Variants in EVL observed in about 807,000 individuals in gnomAD.
EVL encodes Enah/Vasp-like.
In EVL, 21 loss-of-function variants were observed where a neutral mutation model predicts 59.6. That is an observed-to-expected ratio of 0.35 (90% CI 0.25 to 0.51). EVL has a LOEUF of 0.51. EVL is among the 20% of genes least tolerant of loss of function. EVL has a pLI of 0.97. For missense variants in EVL, 462 were observed against 546.6 expected, an observed-to-expected ratio of 0.85 and a Z score of 1.54; for synonymous variants, 198 against 203.5, an observed-to-expected ratio of 0.97 and a Z score of 0.23.
rs573702832 is a variant in EVL at position 100,009,031 on chromosome 14, C to T, written c.5+36974C>T. 2.0e-5 allele frequency among the ~76,000 whole-genome samples: 3 copies of T among 152,318 alleles called. No homozygotes were observed. The South Asian group carries it at 6.2e-4, about 32-fold the overall frequency. ...ATTAGCTTTTTGAGGAAACAAAACA[C>T]GTTTACCTCACGTAAGACTTCTTAG... On this transcript the variant is annotated intron_variant, in intron 1 of 13. Transcript: ENST00000402714.
intron 1 of EVL, among the ~76,000 whole-genome samples, chr14:99,996,576 C>G (rs1317356391): frequency 3.9e-5 from 6 of 152,164 alleles, no homozygotes; most frequent in African/African-American, 1.4e-4. Flanking sequence ...ATTGTTCTAA[C>G]CAGTTAACAT....
chr14:100,129,699 C>T lies in EVL; in HGVS notation c.839+15C>T. The stretch of plus-strand genomic sequence containing the variant: ...CTGGCCAAGAGGTGGGTCTCTACAC[C>T]TCCCGAGACTTGGTGTGCCTAGCAG... On this transcript the variant is annotated intron_variant, in intron 7 of 13. Transcript: ENST00000392920. The T allele has an allele frequency of 1.3e-6, 2 of 1,542,620 alleles. No homozygotes were observed. Among genetic ancestry groups the T allele is most frequent in the Non-Finnish European group, 1.8e-6 (2 of 1,140,946 alleles).
intron 1 of EVL, among the ~76,000 whole-genome samples, chr14:100,012,347 G>A (rs555301976): frequency 6.6e-6 from 1 of 152,296 alleles, no homozygotes; most frequent in Admixed American, 6.5e-5. Flanking sequence ...GTGTAACAGT[G>A]CTGGTCACAT....
intron 1 of EVL, among the ~76,000 whole-genome samples, chr14:100,022,600 G>C (rs1324164916): frequency 2.6e-5 from 4 of 152,034 alleles, no homozygotes; most frequent in Admixed American, 6.6e-5. Flanking sequence ...GTTTTTAAAA[G>C]GAAGTCTGAT....
At chr14:100,075,450 A>G (rs1247650051) in intron 1 of EVL, among the ~76,000 whole-genome samples, 1 of 152,252 alleles carries the variant, frequency 6.6e-6, no homozygotes, top group African/African-American at 2.4e-5. Context: ...GGACTTTACA[A>G]ACTGCCTCAG....
chr14:100,049,391 A>T (rs188151065), intron 1 of EVL, among the ~76,000 whole-genome samples: 116 of 152,212 alleles, frequency 7.6e-4, no homozygotes, highest in African/African-American at 2.7e-3. Context: ...TGTGTATTCT[A>T]GGGAGGCCTT....
intron 1 of EVL, among the ~76,000 whole-genome samples, chr14:100,008,330 A>C (rs930815613): frequency 2.6e-5 from 4 of 152,184 alleles, no homozygotes; most frequent in African/African-American, 9.7e-5. Flanking sequence ...AAATCAGGAC[A>C]CTTCAGTTCT....
At chr14:100,072,506 AT>A (rs1453507697) in intron 1 of EVL, among the ~76,000 whole-genome samples, 4 of 152,230 alleles carry the variant, frequency 2.6e-5, no homozygotes, top group Non-Finnish European at 5.9e-5. Flanking sequence ...AAGTGCTGGG[AT>A]TACATGGGTA....
At chr14:99,981,293 G>C (rs982307073) in intron 1 of EVL, among the ~76,000 whole-genome samples, 16 of 152,018 alleles carry the variant, frequency 1.1e-4, no homozygotes, top group African/African-American at 3.6e-4. Context: ...TTAGCCAGGC[G>C]TGGTGGCGGG....
intron 2 of EVL, among the ~76,000 whole-genome samples, chr14:100,085,898 C>T (rs749611952): frequency 7.2e-5 from 11 of 152,078 alleles, no homozygotes; most frequent in Non-Finnish European, 1.2e-4. Context: ...GAGGCCAAGG[C>T]GGGTGGATTA....
intron 1 of EVL, among the ~76,000 whole-genome samples, chr14:100,046,126 G>A (rs546960462): frequency 2.0e-5 from 3 of 152,246 alleles, no homozygotes; most frequent in East Asian, 1.9e-4. Context: ...AGAAAAACTC[G>A]GGAGACAGTG....
At chr14:99,999,172 C>T (rs2060931364) in intron 1 of EVL, among the ~76,000 whole-genome samples, 1 of 152,052 alleles carries the variant, frequency 6.6e-6, no homozygotes, top group Non-Finnish European at 1.5e-5. Flanking sequence ...CATTATTTGA[C>T]CAGTCCCTTG....
intron 1 of EVL, among the ~76,000 whole-genome samples, chr14:100,078,074 A>G (rs1436725222): frequency 6.6e-6 from 1 of 152,200 alleles, no homozygotes; most frequent in African/African-American, 2.4e-5. Flanking sequence ...GCGCCCGGCC[A>G]TGCATACAAT....
At chr14:99,985,721 T>G (rs2060835748) in intron 1 of EVL, among the ~76,000 whole-genome samples, 1 of 151,264 alleles carries the variant, frequency 6.6e-6, no homozygotes, top group South Asian at 2.1e-4. Flanking sequence ...GAGCCAAGAT[T>G]GCGCCATTGC....
intron 10 of EVL, 34 bp from the exon 11 acceptor site, chr14:100,137,706 C>T (rs756929620): frequency 3.0e-5 from 48 of 1,613,816 alleles, no homozygotes; most frequent in Non-Finnish European, 3.6e-5. Flanking sequence ...GCGCTGGCGC[C>T]GATTCACATG....
Position 100,123,483 on chromosome 14 carries a change from T to C in EVL, c.359-56T>C, listed in dbSNP as rs373862699. The C allele has an allele frequency of 5.2e-5, 83 of 1,584,554 alleles. No homozygotes were observed. The African/African-American group carries it at 1.0e-3, about 19-fold the overall frequency. ...AGAGATAGAGAGCACTCCAGTTGGG[T>C]TTGCTGGGGCCTTTCTTCCTCTAAC... is the stretch of plus-strand genomic sequence containing the variant. On this transcript the variant is annotated intron_variant, in intron 3 of 13. Transcript: ENST00000392920.
intron 3 of EVL, chr14:100,102,216 T>C: frequency 2.2e-6 from 1 of 454,982 alleles, no homozygotes; most frequent in Non-Finnish European, 4.4e-6. Flanking sequence ...GTTATTTTTA[T>C]CAGTACCTTT....
At chr14:100,123,712 G>T in intron 4 of EVL, 110 bp downstream of exon 4, 1 of 1,129,166 alleles carries the variant, frequency 8.9e-7, no homozygotes, top group Non-Finnish European at 1.3e-6. Flanking sequence ...AGGACTCCTA[G>T]AGGCATACAC....
intron 1 of EVL, among the ~76,000 whole-genome samples, chr14:100,025,765 T>A (rs974775981): frequency 7.9e-5 from 12 of 151,506 alleles, no homozygotes; most frequent in African/African-American, 2.7e-4. Context: ...CCTACTAAAA[T>A]ACAAAATACA....
Sources: allele counts gnomAD v4.1 joint callset (sites outside exome capture counted in the v4.1 genomes callset), GRCh38; gene constraint gnomAD v4.1.1; transcripts MANE v1.5; gene names NCBI Gene and HGNC (gene_info 2026-07-23, HGNC 2026-07-21).